Variants in CHCHD3 observed in about 807,000 individuals in gnomAD.
CHCHD3 encodes the protein MICOS complex subunit MIC19.
CHCHD3 carries 20 observed loss-of-function variants against 38.2 expected under a neutral mutation model. The observed-to-expected ratio is 0.52, with a 90% CI of 0.37 to 0.76. The LOEUF is 0.76. Ranked by LOEUF, CHCHD3 falls within the 30% of genes least tolerant of loss-of-function variation. CHCHD3 has a pLI of 0.00. For synonymous variants in CHCHD3, 82 were observed against 100.0 expected (o/e 0.82, Z 1.07); for missense variants, 245 against 279.2 (o/e 0.88, Z 0.87).
chr7:133,067,347 T>A (rs577363599), intron 2 of CHCHD3, among the ~76,000 whole-genome samples: 1 of 152,336 alleles, frequency 6.6e-6, no homozygotes, highest in Non-Finnish European at 1.5e-5. Flanking sequence ...ATCATCATTC[T>A]TTTTTTAACA....
rs545587031 is a variant in CHCHD3, at chr7:132,984,718, T to A, written c.252-9432A>T. Among the ~76,000 whole-genome samples, 14 of 143,652 alleles carry A rather than the reference T, an allele frequency of 9.7e-5. No homozygotes were observed. In the South Asian group the frequency reaches 3.0e-3, roughly 31 times the overall value. 94.2% of individuals were successfully genotyped at this position (143,652 alleles called of 152,430 possible). ...GGAGCGTCTCTGCCCGGCCGCTCCG[T>A]CTGAGAAGTGAGGAGACCCTCTGCC... On this transcript the variant is annotated intron_variant, in intron 3 of 7. Transcript: ENST00000262570.
intron 5 of CHCHD3, among the ~76,000 whole-genome samples, chr7:132,854,875 A>G (rs997323955): frequency 6.6e-6 from 1 of 152,216 alleles, no homozygotes; most frequent in South Asian, 2.1e-4. Context: ...CTTCCTATAC[A>G]AGGGAACACA....
At chr7:132,821,295 C>G (rs1042324241) in intron 6 of CHCHD3, among the ~76,000 whole-genome samples, 8 of 152,170 alleles carry the variant, frequency 5.3e-5, no homozygotes, top group African/African-American at 1.9e-4. Context: ...TATAACAGCT[C>G]TGTTATTACC....
At chr7:132,948,370 A>G (rs926975477) in intron 4 of CHCHD3, among the ~76,000 whole-genome samples, 1 of 152,088 alleles carries the variant, frequency 6.6e-6, no homozygotes, top group African/African-American at 2.4e-5. Context: ...GAAAAGAAAG[A>G]GGGGAAGAAA....
chr7:133,062,731 T>C (rs375124780), intron 2 of CHCHD3, among the ~76,000 whole-genome samples: 293 of 152,324 alleles, frequency 1.9e-3, no homozygotes, highest in Middle Eastern at 6.8e-3. Flanking sequence ...CATTACTATA[T>C]TTCTAATCTA....
chr7:132,870,154 C>T (rs1451323124), intron 5 of CHCHD3, among the ~76,000 whole-genome samples: 3 of 151,664 alleles, frequency 2.0e-5, no homozygotes. Flanking sequence ...AGTTTGAGAC[C>T]AGCTTGGGCA....
chr7:132,805,680 T>C (rs758621222), intron 6 of CHCHD3, among the ~76,000 whole-genome samples: 15 of 151,838 alleles, frequency 9.9e-5, no homozygotes, highest in Admixed American at 3.9e-4. Flanking sequence ...ATAAATCAGA[T>C]GGATAGAAGT....
rs112758457 is a variant in CHCHD3 at position 133,020,140 on chromosome 7, G to T, written c.251+4406C>A. Among the ~76,000 whole-genome samples the T allele has an allele frequency of 2.6e-4, 39 of 152,200 alleles. No individual in the cohort carries two copies. The South Asian group carries it at 3.1e-3, about 12-fold the overall frequency. On this transcript the variant is annotated intron_variant, in intron 3 of 7. Transcript: ENST00000262570. The stretch of plus-strand genomic sequence containing the variant: ...ACTAATCTATCAGCGATTTGTGCGG[G>T]ACATGATTGTGGAAGCAAATCACTT...
intron 4 of CHCHD3, among the ~76,000 whole-genome samples, chr7:132,947,032 C>A (rs1270906895): frequency 6.6e-6 from 1 of 151,750 alleles, no homozygotes; most frequent in African/African-American, 2.4e-5. Flanking sequence ...AAAAAGTGGA[C>A]CAATGAGTAC....
At chr7:132,846,524 G>T (rs1808080310) in intron 5 of CHCHD3, among the ~76,000 whole-genome samples, 2 of 152,238 alleles carry the variant, frequency 1.3e-5, no homozygotes, top group South Asian at 4.1e-4. Flanking sequence ...TTACAAAGAA[G>T]AGACTTTTAT....
chr7:132,838,626 T>C (rs1187704882), intron 5 of CHCHD3, among the ~76,000 whole-genome samples, 157 bp from the exon 6 acceptor site: 1 of 152,228 alleles, frequency 6.6e-6, no homozygotes, highest in Admixed American at 6.5e-5. Flanking sequence ...AAAACACATG[T>C]AAAGCTACTC....
chr7:133,080,277 T>C (rs1815131528), intron 1 of CHCHD3, among the ~76,000 whole-genome samples: 1 of 152,242 alleles, frequency 6.6e-6, no homozygotes, highest in Non-Finnish European at 1.5e-5. Flanking sequence ...ACAAAAATCT[T>C]AAAAAGGTTT....
At chr7:133,033,983 A>T (rs1310548648) in intron 2 of CHCHD3, among the ~76,000 whole-genome samples, 1 of 152,166 alleles carries the variant, frequency 6.6e-6, no homozygotes, top group African/African-American at 2.4e-5. Flanking sequence ...CAGATGCCAG[A>T]AACAGATTAA....
At chr7:132,791,659 G>A (rs972082649) in intron 7 of CHCHD3, among the ~76,000 whole-genome samples, 7 of 152,304 alleles carry the variant, frequency 4.6e-5, no homozygotes, top group African/African-American at 1.7e-4. Context: ...CAGTTCACCG[G>A]GGAGATGAAA....
chr7:132,815,939 G>A (rs766872099), intron 6 of CHCHD3, among the ~76,000 whole-genome samples: 6 of 152,152 alleles, frequency 3.9e-5, no homozygotes, highest in Admixed American at 3.3e-4. Context: ...CATAGCCTCC[G>A]AATCCTTTTC....
intron 5 of CHCHD3, among the ~76,000 whole-genome samples, chr7:132,870,019 C>T (rs1174355648): frequency 6.6e-6 from 1 of 151,964 alleles, no homozygotes; most frequent in East Asian, 1.9e-4. Flanking sequence ...GCCAATAATT[C>T]CATTCCTTCT....
At chr7:132,787,485 G>C (rs139382582) in intron 7 of CHCHD3, among the ~76,000 whole-genome samples, 1 of 152,246 alleles carries the variant, frequency 6.6e-6, no homozygotes, top group Admixed American at 6.5e-5. Context: ...GCCACCAAGA[G>C]AAACAGGGAA....
intron 6 of CHCHD3, among the ~76,000 whole-genome samples, chr7:132,824,266 G>T (rs919043219): frequency 6.6e-6 from 1 of 151,314 alleles, no homozygotes; most frequent in African/African-American, 2.4e-5. Context: ...GACAATTATG[G>T]GGACCAGGGA....
intron 5 of CHCHD3, among the ~76,000 whole-genome samples, chr7:132,854,115 CAT>C (rs1808286161): frequency 6.6e-6 from 1 of 152,078 alleles, no homozygotes; most frequent in African/African-American, 2.4e-5. Context: ...TTTACGGCAA[CAT>C]GTTTCAAATG....
Sources: gnomAD v4.1 joint callset for allele counts (sites outside exome capture counted in the v4.1 genomes callset) on GRCh38, gnomAD v4.1.1 for gene constraint, MANE v1.5 for transcripts, NCBI Gene and HGNC (gene_info 2026-07-23, HGNC 2026-07-21) for gene names.